Variants in CLASP1 observed in about 807,000 individuals in gnomAD.
The protein encoded by CLASP1 is cytoplasmic linker associated protein 1.
Under a neutral mutation model 192.3 loss-of-function variants are expected in CLASP1, and 38 were observed. The observed-to-expected ratio is 0.20, with a 90% CI of 0.15 to 0.26. The LOEUF (loss-of-function observed/expected upper bound fraction) is 0.26, where lower values mean the gene tolerates loss of function less well. Among genes scored for constraint, CLASP1 ranks in the 10% least tolerant of loss-of-function variants. The pLI is 1.00. For synonymous variants in CLASP1, 691 were observed against 712.8 expected (o/e 0.97, Z 0.49); for missense variants, 1,433 against 1,932.5 (o/e 0.74, Z 4.85).
At chr2:121,515,090 G>T (rs2094249308) in intron 7 of CLASP1, among the ~76,000 whole-genome samples, 1 of 152,170 alleles carries the variant, frequency 6.6e-6, no homozygotes, top group Admixed American at 6.5e-5. Flanking sequence ...ATACATATCT[G>T]ATCACTACAT....
chr2:121,376,517 G>A (rs2070187630), intron 34 of CLASP1, among the ~76,000 whole-genome samples: 1 of 95,072 alleles, frequency 1.1e-5, no homozygotes. Flanking sequence ...ACTAGAGGCT[G>A]GGAAGGGGTG....
intron 1 of CLASP1, among the ~76,000 whole-genome samples, chr2:121,609,669 G>A (rs527678954): frequency 2.6e-5 from 4 of 152,282 alleles, no homozygotes; most frequent in Admixed American, 6.5e-5. Flanking sequence ...ATGGCCGGGC[G>A]CAGTGGCTCA....
intron 14 of CLASP1, among the ~76,000 whole-genome samples, chr2:121,455,792 TTAGAGATTGCA>T (rs150036395): frequency 3.3e-5 from 5 of 151,914 alleles, no homozygotes; most frequent in Non-Finnish European, 5.9e-5. Context: ...AGCCCAGGAG[TTAGAGATTGCA>T]GGGAGCCATG....
At position 121,516,574 on chromosome 2, in the gene CLASP1, T is replaced by C. The variant is rs948004663; in HGVS notation, c.547-812A>G. 1.4e-4 allele frequency among the ~76,000 whole-genome samples: 21 copies of C among 152,182 alleles called. 1 individual carries two copies. The highest frequency in any genetic ancestry group is 1.4e-3 in the Admixed American group (21 of 15,280). On this transcript the variant is annotated intron_variant, in intron 6 of 39. Transcript: ENST00000263710. ...ACGAAATAAGGTGTGAGAGACAGGG[T>C]AGACTTTTTTTCTAACCTGGGGAAA...
intron 19 of CLASP1, among the ~76,000 whole-genome samples, chr2:121,432,892 T>C (rs2081670115): frequency 2.6e-5 from 4 of 152,230 alleles, no homozygotes; most frequent in Non-Finnish European, 5.9e-5. Context: ...TCACTTTTAC[T>C]TCTTTGCCTT....
intron 1 of CLASP1, among the ~76,000 whole-genome samples, chr2:121,623,136 C>T (rs550111736): frequency 6.6e-6 from 1 of 152,128 alleles, no homozygotes; most frequent in African/African-American, 2.4e-5. Flanking sequence ...GGACAGCATT[C>T]TGTCTTTCAT....
chr2:121,441,809 T>C (rs554949109), intron 19 of CLASP1, among the ~76,000 whole-genome samples: 21 of 152,330 alleles, frequency 1.4e-4, no homozygotes, highest in Admixed American at 1.2e-3. Flanking sequence ...CTTTTACTTC[T>C]ATATATAGAC....
chr2:121,601,633 T>C (rs754351796), intron 2 of CLASP1, among the ~76,000 whole-genome samples: 9 of 152,010 alleles, frequency 5.9e-5, no homozygotes, highest in Admixed American at 2.6e-4. Flanking sequence ...TTTTTCAACA[T>C]AGTAGTGGAA....
At chr2:121,618,568 T>G (rs140145724) in intron 1 of CLASP1, among the ~76,000 whole-genome samples, 74 of 152,214 alleles carry the variant, frequency 4.9e-4, no homozygotes, top group African/African-American at 1.7e-3. Flanking sequence ...CACCAAGAAT[T>G]ATCTATACAG....
intron 34 of CLASP1, among the ~76,000 whole-genome samples, chr2:121,376,233 T>C (rs1251340321): frequency 6.6e-6 from 1 of 152,186 alleles, no homozygotes; most frequent in Non-Finnish European, 1.5e-5. Context: ...ACCCTCATGT[T>C]TGTTATAGCA....
At position 121,517,858 on chromosome 2, in the gene CLASP1, C is replaced by CTTTTTTTTTTTT. The variant is rs70954553; in HGVS notation, c.547-2108_547-2097dup. On this transcript the variant is annotated intron_variant, in intron 6 of 39. Transcript: ENST00000263710. ...CCTCAGAGACAAAGCAAGACTCAAG[C>CTTTTTTTTTTTT]TTTTTTTTTTTTTTTTTTTTTTTTT... Among the ~76,000 whole-genome samples, 35 of 30,822 alleles carry CTTTTTTTTTTTT rather than the reference C, an allele frequency of 1.1e-3. 8 individuals carry two copies. Among genetic ancestry groups the CTTTTTTTTTTTT allele is most frequent in the African/African-American group, 4.6e-3 (32 of 6,912 alleles). The allele number at this position is 30,822 out of a possible 152,430, so 20.2% of individuals were successfully genotyped here.
chr2:121,563,576 T>C (rs1297798072), intron 2 of CLASP1, among the ~76,000 whole-genome samples: 3 of 152,214 alleles, frequency 2.0e-5, no homozygotes, highest in Non-Finnish European at 4.4e-5. Flanking sequence ...AGGTAGGATA[T>C]GGAAATCAAA....
chr2:121,387,983 A>G, intron 30 of CLASP1, 77 bp from the exon 32 acceptor site: 1 of 1,155,770 alleles, frequency 8.7e-7, no homozygotes, highest in Non-Finnish European at 1.2e-6. Flanking sequence ...GTTTAAAAAA[A>G]TATTTTATAA....
chr2:121,638,095 C>G (rs914692361), intron 1 of CLASP1, among the ~76,000 whole-genome samples: 1 of 151,774 alleles, frequency 6.6e-6, no homozygotes, highest in African/African-American at 2.4e-5. Flanking sequence ...AGATATAAAT[C>G]AATCATAAAA....
chr2:121,339,610 G>A (rs1410915304), exon 40 of CLASP1: 2 of 152,106 alleles, frequency 1.3e-5, no homozygotes, highest in African/African-American at 4.8e-5. Flanking sequence ...TTAAAAAGGG[G>A]GCCTAGTGGT....
At chr2:121,559,532 C>T (rs1265733937) in intron 2 of CLASP1, among the ~76,000 whole-genome samples, 2 of 152,040 alleles carry the variant, frequency 1.3e-5, no homozygotes, top group Non-Finnish European at 2.9e-5. Context: ...CATGCTACAA[C>T]GTGGGTAAAC....
At chr2:121,624,467 T>C (rs912482556) in intron 1 of CLASP1, among the ~76,000 whole-genome samples, 1 of 152,172 alleles carries the variant, frequency 6.6e-6, no homozygotes, top group African/African-American at 2.4e-5. Context: ...TGGAGTACAG[T>C]GCACATTTGC....
intron 33 of CLASP1, among the ~76,000 whole-genome samples, chr2:121,377,916 C>CA (rs969379312): frequency 2.0e-5 from 3 of 152,002 alleles, no homozygotes; most frequent in African/African-American, 7.3e-5. Flanking sequence ...TGCAGGAACT[C>CA]AAAGAGTGAC....
intron 2 of CLASP1, among the ~76,000 whole-genome samples, chr2:121,573,368 T>C (rs1486516144): frequency 6.6e-6 from 1 of 152,254 alleles, no homozygotes; most frequent in Non-Finnish European, 1.5e-5. Context: ...CTTTTTTAAG[T>C]GTCTTTAGCA....
Sources: gnomAD v4.1 joint callset for allele counts (sites outside exome capture counted in the v4.1 genomes callset) on GRCh38, gnomAD v4.1.1 for gene constraint, MANE v1.5 for transcripts, NCBI Gene and HGNC (gene_info 2026-07-23, HGNC 2026-07-21) for gene names.